Variants in TENM3 observed in about 807,000 individuals in gnomAD.
TENM3 encodes the protein teneurin-3.
TENM3 carries 63 observed loss-of-function variants against 255.1 expected under a neutral mutation model. That is an observed-to-expected ratio of 0.25 (90% confidence interval 0.20 to 0.30). The LOEUF (loss-of-function observed/expected upper bound fraction) is 0.30. Ranked by LOEUF, TENM3 falls within the 10% of genes least tolerant of loss-of-function variation. The pLI is 1.00. For missense variants in TENM3, 2,929 were observed against 3,461.1 expected (o/e 0.85, Z 3.86); for synonymous variants, 1,306 against 1,322.3 (o/e 0.99, Z 0.27).
intron 3 of TENM3, among the ~76,000 whole-genome samples, chr4:182,441,161 G>GT (rs1772451512): frequency 6.6e-6 from 1 of 152,032 alleles, no homozygotes; most frequent in African/African-American, 2.4e-5. Flanking sequence ...CATGTATTAA[G>GT]TTTATGTTCG....
At chr4:181,538,864 T>C in the TENM3 span, among the ~76,000 whole-genome samples, 3 of 152,252 alleles carry the variant, frequency 2.0e-5, no homozygotes, top group Non-Finnish European at 4.4e-5. Flanking sequence ...AAATAAATCC[T>C]GAATGAACAC....
intron 12 of TENM3, among the ~76,000 whole-genome samples, chr4:182,689,922 A>T (rs1756885341): frequency 6.6e-6 from 1 of 152,224 alleles, no homozygotes; most frequent in Admixed American, 6.5e-5. Flanking sequence ...GACAATTTTT[A>T]TTCTTCCAGT....
chr4:182,737,511 C>G (rs1761257756), intron 17 of TENM3, among the ~76,000 whole-genome samples: 1 of 152,120 alleles, frequency 6.6e-6, no homozygotes, highest in East Asian at 1.9e-4. Context: ...ACATTTGTGT[C>G]CATGAATTAC....
the TENM3 span, among the ~76,000 whole-genome samples, chr4:181,459,802 C>G: frequency 6.6e-6 from 1 of 151,926 alleles, no homozygotes. Context: ...TATTTTAGCT[C>G]CTTTGCATTG....
At chr4:182,657,187 A>G (rs1169599013) in intron 6 of TENM3, among the ~76,000 whole-genome samples, 2 of 152,126 alleles carry the variant, frequency 1.3e-5, no homozygotes, top group Non-Finnish European at 2.9e-5. Context: ...TTGAGCTTCA[A>G]TTTCTTCACA....
the TENM3 span, among the ~76,000 whole-genome samples, chr4:181,894,283 C>T: frequency 5.3e-5 from 8 of 152,122 alleles, no homozygotes; most frequent in African/African-American, 1.9e-4. Context: ...ATGGCACTGT[C>T]TACCGTAATT....
At chr4:181,454,353 A>G in the TENM3 span, among the ~76,000 whole-genome samples, 2 of 152,152 alleles carry the variant, frequency 1.3e-5, no homozygotes, top group African/African-American at 4.8e-5. Flanking sequence ...CTGTTTTCTA[A>G]TGTTATAATG....
At chr4:181,702,183 G>A in the TENM3 span, among the ~76,000 whole-genome samples, 2 of 152,190 alleles carry the variant, frequency 1.3e-5, no homozygotes, top group Non-Finnish European at 2.9e-5. Context: ...AACTGAAACT[G>A]AGGCTATGGA....
Position 182,789,444 on chromosome 4 carries a change from C to A in TENM3, c.5601+55C>A. Reference sequence around the variant, plus strand: ...GGAAAGGATAATTCACATTTTTCAGCAATCATCCAGAGCACTAAGGGGAAA... The same window carrying A: ...GGAAAGGATAATTCACATTTTTCAGAAATCATCCAGAGCACTAAGGGGAAA... On this transcript the variant is annotated intron_variant, in intron 25 of 27. Transcript: ENST00000511685. This position sits in a 1 kb window ranked among gnomAD's most constrained non-coding sequence, Gnocchi z 4.4. The A allele has an allele frequency of 6.6e-7, 1 of 1,515,956 alleles. No homozygotes were observed. The highest frequency in any genetic ancestry group is 9.0e-7 in the Non-Finnish European group (1 of 1,116,120). The allele number at this position is 1,515,956 out of a possible 1,614,324, so 93.9% of individuals were successfully genotyped here. A position where few individuals can be genotyped will look rare whatever the true frequency, so the allele number is the denominator to read the frequency against.
chr4:181,574,485 C>A, the TENM3 span, among the ~76,000 whole-genome samples: 4 of 151,170 alleles, frequency 2.6e-5, no homozygotes, highest in African/African-American at 9.7e-5. Context: ...GAGCCGAGAT[C>A]GTGCCACTGC....
intron 12 of TENM3, among the ~76,000 whole-genome samples, chr4:182,695,909 G>GT (rs1452077410): frequency 2.6e-5 from 4 of 152,160 alleles, no homozygotes; most frequent in African/African-American, 9.7e-5. Context: ...GAATTCCTGT[G>GT]TTTGTAGGGT....
the TENM3 span, among the ~76,000 whole-genome samples, chr4:181,477,123 G>A: frequency 6.6e-6 from 1 of 152,046 alleles, no homozygotes; most frequent in Non-Finnish European, 1.5e-5. Flanking sequence ...AACACTTATT[G>A]AAAGAATATT....
At chr4:181,772,881 A>G in the TENM3 span, among the ~76,000 whole-genome samples, 2 of 152,206 alleles carry the variant, frequency 1.3e-5, no homozygotes, top group African/African-American at 2.4e-5. Flanking sequence ...ACTACACTTA[A>G]TCTGGCAGAG....
the TENM3 span, among the ~76,000 whole-genome samples, chr4:181,627,784 C>T: frequency 6.6e-6 from 1 of 151,998 alleles, no homozygotes; most frequent in Non-Finnish European, 1.5e-5. Flanking sequence ...TGAATAGTAC[C>T]GCAATAAACA....
chr4:182,044,246 GA>G, the TENM3 span, among the ~76,000 whole-genome samples: 1 of 151,864 alleles, frequency 6.6e-6, no homozygotes, highest in Admixed American at 6.6e-5. Context: ...AAAAAGAAAA[GA>G]AAAAAACACA....
At chr4:181,658,873 C>T in the TENM3 span, among the ~76,000 whole-genome samples, 8 of 152,198 alleles carry the variant, frequency 5.3e-5, no homozygotes, top group Non-Finnish European at 7.3e-5. Context: ...GGACACTCTA[C>T]CCCAGTTCTG....
chr4:182,606,528 A>AAT (rs1486564880), intron 4 of TENM3, among the ~76,000 whole-genome samples: 1 of 150,772 alleles, frequency 6.6e-6, no homozygotes, highest in Non-Finnish European at 1.5e-5. Flanking sequence ...TGTCTCAAAA[A>AAT]AAAAAAAAAA....
the TENM3 span, among the ~76,000 whole-genome samples, chr4:181,937,116 G>T: frequency 1.3e-5 from 2 of 152,180 alleles, no homozygotes; most frequent in East Asian, 3.9e-4. Flanking sequence ...GCAGGTATGG[G>T]AGCATTCTAA....
chr4:182,082,727 T>A, the TENM3 span, among the ~76,000 whole-genome samples: 1 of 152,190 alleles, frequency 6.6e-6, no homozygotes, highest in East Asian at 1.9e-4. Flanking sequence ...GATGGGAACA[T>A]GATGCCACGT....
Sources: gnomAD v4.1 joint callset for allele counts (sites outside exome capture counted in the v4.1 genomes callset) on GRCh38, gnomAD v4.1.1 for gene constraint, Gnocchi (gnomAD v3.1) non-coding constraint, MANE v1.5 for transcripts, NCBI Gene and HGNC (gene_info 2026-07-23, HGNC 2026-07-21) for gene names.